Variants in CDH18 observed in about 807,000 individuals in gnomAD.
CDH18 encodes cadherin-18.
In CDH18, 31 loss-of-function variants were observed where a neutral mutation model predicts 67.9. The observed-to-expected ratio is 0.46, with a 90% CI of 0.34 to 0.62. The LOEUF (loss-of-function observed/expected upper bound fraction) is 0.62, where lower values mean the gene tolerates loss of function less well. CDH18 is among the 20% of genes least tolerant of loss of function. The pLI, the probability that CDH18 is intolerant of heterozygous loss-of-function variation, is 0.01. For synonymous variants in CDH18, 362 were observed against 347.2 expected, an observed-to-expected ratio of 1.04 and a Z score of -0.48; for missense variants, 890 against 975.5, an observed-to-expected ratio of 0.91 and a Z score of 1.17.
chr5:19,872,013 C>T (rs1031403853), intron 2 of CDH18, among the ~76,000 whole-genome samples: 4 of 152,072 alleles, frequency 2.6e-5, no homozygotes, highest in African/African-American at 9.7e-5. Flanking sequence ...AACTGGTGAA[C>T]CAAATCCTTT....
chr5:20,084,305 A>G (rs1744751320), intron 2 of CDH18, among the ~76,000 whole-genome samples: 1 of 152,224 alleles, frequency 6.6e-6, no homozygotes, highest in Non-Finnish European at 1.5e-5. Flanking sequence ...CTTTGACTCC[A>G]TGCCTCACAT....
chr5:19,921,169 T>C (rs1792402687), intron 2 of CDH18, among the ~76,000 whole-genome samples: 2 of 152,094 alleles, frequency 1.3e-5, no homozygotes, highest in South Asian at 4.1e-4. Flanking sequence ...AAATTGTAAT[T>C]ATGAACTGGA....
In CDH18 at chr5:20,171,039, CTT is replaced by C. The variant is rs59141932; in HGVS notation, c.-518+84403_-518+84404del. Among the ~76,000 whole-genome samples, 863 of 105,306 alleles carry C rather than the reference CTT, an allele frequency of 8.2e-3. 9 individuals carry two copies. The highest frequency in any genetic ancestry group is 0.026 in the African/African-American group (828 of 31,526). The allele number at this position is 105,306 out of a possible 152,430, so 69.1% of individuals were successfully genotyped here. The stretch of plus-strand genomic sequence containing the variant: ...ATGTTCCTGCAAAGTATATGATCTC[CTT>C]TTTTTTTTATATATATATATAGCTG... On this transcript the variant is annotated intron_variant, in intron 2 of 14. Coordinates refer to the CDH18 transcript ENST00000507958.
rs185392568 is a variant in CDH18, at chr5:19,910,333, A to G, written c.-257+70727T>C. On this transcript the variant is annotated intron_variant, in intron 2 of 12. Coordinates refer to ENST00000382275, the MANE Select transcript of CDH18 (RefSeq NM_004934.5). ...TAAAAGCCACTCTGTACAGGTTTAT[A>G]TCACCCCAGAGTGCAAACAAGCACA... Among the ~76,000 whole-genome samples, 32 of 152,278 alleles carry G rather than the reference A, an allele frequency of 2.1e-4. No homozygotes were observed. In the East Asian group the frequency reaches 5.2e-3, roughly 25 times the overall value.
chr5:19,592,892 T>A (rs575765115), intron 6 of CDH18, among the ~76,000 whole-genome samples: 5 of 152,024 alleles, frequency 3.3e-5, no homozygotes, highest in African/African-American at 1.2e-4. Context: ...CTATTTTAGA[T>A]ACCTCATCTG....
chr5:19,594,774 T>C (rs1321195275), intron 6 of CDH18, among the ~76,000 whole-genome samples: 2 of 152,176 alleles, frequency 1.3e-5, no homozygotes, highest in Non-Finnish European at 2.9e-5. Context: ...ATAGGGATTT[T>C]ACTGTACTTG....
chr5:20,290,949 G>A (rs1747059658), intron 1 of CDH18, among the ~76,000 whole-genome samples: 1 of 152,064 alleles, frequency 6.6e-6, no homozygotes, highest in African/African-American at 2.4e-5. Context: ...AATTTAGGCT[G>A]ATTTAAAGGG....
At chr5:19,482,392 A>T (rs999141468) in intron 12 of CDH18, among the ~76,000 whole-genome samples, 1 of 152,180 alleles carries the variant, frequency 6.6e-6, no homozygotes, top group African/African-American at 2.4e-5. Flanking sequence ...CTGGGATTAC[A>T]GGCGTGAGCC....
At chr5:20,183,891 AT>A (rs1157079701) in intron 2 of CDH18, among the ~76,000 whole-genome samples, 3 of 152,084 alleles carry the variant, frequency 2.0e-5, no homozygotes, top group Non-Finnish European at 4.4e-5. Flanking sequence ...AGTAATATTG[AT>A]TTTATCTAAT....
At chr5:20,199,365 T>G (rs1739258702) in intron 2 of CDH18, among the ~76,000 whole-genome samples, 1 of 152,170 alleles carries the variant, frequency 6.6e-6, no homozygotes, top group Non-Finnish European at 1.5e-5. Flanking sequence ...TTTTGGAAGT[T>G]TAGGGTTTAA....
In CDH18 at chr5:19,998,047, A is replaced by G. The variant is rs1051934911; in HGVS notation, c.-517-6033T>C. 2.6e-5 allele frequency among the ~76,000 whole-genome samples: 4 copies of G among 152,266 alleles called. No homozygotes were observed. The East Asian group carries it at 7.7e-4, about 29-fold the overall frequency. On this transcript the variant is annotated intron_variant, in intron 2 of 14. Coordinates refer to the CDH18 transcript ENST00000507958. Reference sequence around the variant, plus strand: ...AAATCAGGGCAAAGTGACCATGCAGAAGTTATATTTGTGTTAGGGGCCTTG... The same window carrying G: ...AAATCAGGGCAAAGTGACCATGCAGGAGTTATATTTGTGTTAGGGGCCTTG...
intron 2 of CDH18, among the ~76,000 whole-genome samples, chr5:19,960,527 C>T (rs1796685611): frequency 6.8e-6 from 1 of 146,100 alleles, no homozygotes; most frequent in African/African-American, 2.5e-5. Context: ...GAAGGACCTG[C>T]CTGAGGATGT....
intron 5 of CDH18, among the ~76,000 whole-genome samples, chr5:19,667,511 C>CAT (rs1758139588): frequency 6.9e-6 from 1 of 144,024 alleles, no homozygotes; most frequent in African/African-American, 2.8e-5. Flanking sequence ...TATATATACA[C>CAT]ACACACACAC....
intron 2 of CDH18, among the ~76,000 whole-genome samples, chr5:19,861,669 T>A (rs1310499453): frequency 6.6e-6 from 1 of 152,156 alleles, no homozygotes; most frequent in African/African-American, 2.4e-5. Flanking sequence ...AAGGTCAAAC[T>A]AAGAGAGCTT....
chr5:19,837,432 GA>G (rs1442100312), intron 3 of CDH18, among the ~76,000 whole-genome samples: 1 of 151,818 alleles, frequency 6.6e-6, no homozygotes, highest in African/African-American at 2.4e-5. Context: ...AAAGGATTTT[GA>G]AGTTCATAAC....
intron 1 of CDH18, among the ~76,000 whole-genome samples, chr5:20,447,225 A>G (rs1750069724): frequency 6.6e-6 from 1 of 151,650 alleles, no homozygotes; most frequent in Non-Finnish European, 1.5e-5. Context: ...TCTTCAGTCA[A>G]TAAAGTTATT....
chr5:20,394,242 C>T (rs5011023), intron 1 of CDH18, among the ~76,000 whole-genome samples: 28,834 of 151,540 alleles, frequency 0.19, 2,993 homozygotes, highest in African/African-American at 0.26. Flanking sequence ...ATATAGAATC[C>T]CCCCCAAAAA....
At chr5:19,596,132 A>G (rs577066950) in intron 6 of CDH18, among the ~76,000 whole-genome samples, 1 of 152,344 alleles carries the variant, frequency 6.6e-6, no homozygotes, top group African/African-American at 2.4e-5. Context: ...AACTGGAACT[A>G]GAAAATAACT....
At chr5:20,308,547 A>T (rs1273814575) in intron 1 of CDH18, among the ~76,000 whole-genome samples, 2 of 152,034 alleles carry the variant, frequency 1.3e-5, no homozygotes, top group Non-Finnish European at 2.9e-5. Context: ...AGTCAAAAAA[A>T]AAAAAAAATT....
Sources: allele counts gnomAD v4.1 joint callset (sites outside exome capture counted in the v4.1 genomes callset), GRCh38; gene constraint gnomAD v4.1.1; transcripts MANE v1.5; gene names NCBI Gene and HGNC (gene_info 2026-07-23, HGNC 2026-07-21).